The following LYRM7 variants were observed in gnomAD, a reference collection of about 807,000 sequenced individuals.
The protein encoded by LYRM7 is LYR motif containing 7, also known as complex III assembly factor LYRM7.
A neutral mutation model predicts 15.8 loss-of-function variants in LYRM7; 9 were observed. That is an observed-to-expected ratio of 0.57 (90% CI 0.34 to 0.99). The LOEUF (loss-of-function observed/expected upper bound fraction) is 0.99, where lower values mean the gene tolerates loss of function less well. Ranked by LOEUF, LYRM7 falls within the 50% of genes least tolerant of loss-of-function variation. The pLI, the probability that LYRM7 is intolerant of heterozygous loss-of-function variation, is 0.02. For synonymous variants in LYRM7, 39 were observed against 39.4 expected, an observed-to-expected ratio of 0.99 and a Z score of 0.04; for missense variants, 115 against 119.1, an observed-to-expected ratio of 0.97 and a Z score of 0.16.
intron 1 of LYRM7, among the ~76,000 whole-genome samples, chr5:131,175,669 G>A (rs1017188135): frequency 3.3e-5 from 5 of 151,856 alleles, no homozygotes; most frequent in African/African-American, 1.2e-4. Flanking sequence ...CGAGTAGCTA[G>A]GACTACAAGC....
chr5:131,181,268 T>C (rs1433979149), intron 2 of LYRM7, among the ~76,000 whole-genome samples: 2 of 52,394 alleles, frequency 3.8e-5, no homozygotes, highest in African/African-American at 1.4e-4. Flanking sequence ...AAAGCAAGAC[T>C]CCATCTGAAA....
intron 4 of LYRM7, among the ~76,000 whole-genome samples, chr5:131,190,873 T>A (rs566401795): frequency 6.6e-6 from 1 of 152,308 alleles, no homozygotes; most frequent in South Asian, 2.1e-4. Flanking sequence ...ATCTTAATAA[T>A]GATCTTTAGA....
rs1756113703 is a variant in LYRM7, at chr5:131,203,587, GGAGGCT to G, written c.*3992_*3997del. 1 of 152,404 alleles carries G rather than the reference GGAGGCT, an allele frequency of 6.6e-6. No homozygotes were observed. The highest frequency in any genetic ancestry group is 2.4e-5 in the African/African-American group (1 of 41,456). 9.4% of individuals were successfully genotyped at this position (152,404 alleles called of 1,614,324 possible). Reference sequence around the variant, plus strand: ...GCATGCCTGTAATCCCAGCTACTCGGGAGGCTGAGGCGTGAGAATCGCTTGAACCCG... The same window carrying G: ...GCATGCCTGTAATCCCAGCTACTCGGGAGGCGTGAGAATCGCTTGAACCCG... On this transcript the variant is annotated 3_prime_UTR_variant, in exon 5 of 5. Coordinates refer to ENST00000379380, the MANE Select transcript of LYRM7 (RefSeq NM_181705.4).
chr5:131,181,384 ATATACATAT>A, intron 2 of LYRM7, among the ~76,000 whole-genome samples: 1 of 100,124 alleles, frequency 1.0e-5, no homozygotes, highest in Non-Finnish European at 1.8e-5. Flanking sequence ...TATATATAAT[ATATACATAT>A]ATATTATATA....
intron 4 of LYRM7, 73 bp from the exon 5 acceptor site, chr5:131,199,458 G>T: frequency 1.0e-6 from 1 of 1,003,574 alleles, no homozygotes; most frequent in Non-Finnish European, 1.5e-6. Context: ...AAATTTTAGG[G>T]GGAAATGAGT....
At chr5:131,181,317 A>ATATATATATT (rs1755693171) in intron 2 of LYRM7, among the ~76,000 whole-genome samples, 1 of 21,630 alleles carries the variant, frequency 4.6e-5, no homozygotes, top group African/African-American at 1.1e-4. Context: ...ATATATATAT[A>ATATATATATT]CACACACACA....
intron 4 of LYRM7, among the ~76,000 whole-genome samples, chr5:131,190,210 A>T (rs1755863835): frequency 6.6e-6 from 1 of 150,880 alleles, no homozygotes; most frequent in African/African-American, 2.4e-5. Flanking sequence ...TGTTTTGTTT[A>T]GTTTAGATGG....
At chr5:131,183,676 C>G (rs10073584) in intron 3 of LYRM7, among the ~76,000 whole-genome samples, 46,434 of 151,970 alleles carry the variant, frequency 0.31, 11,439 homozygotes, top group African/African-American at 0.69. Context: ...AGGGTTGATA[C>G]AGTCTTGGCA....
chr5:131,199,563 A>G lies in LYRM7; in HGVS notation c.277A>G (p.Asn93Asp). The G allele has an allele frequency of 6.2e-7, 1 of 1,606,520 alleles. No individual in the cohort carries two copies. The highest frequency in any genetic ancestry group is 8.5e-7 in the Non-Finnish European group (1 of 1,176,554). ...LVPRKDLLVE[N>D]VPYCDAPTQK... ...CCCTAGGAAAGACCTTCTTGTAGAA[A>G]ATGTGCCATATTGTGATGCACCAAC... The change falls in exon 5 of 5, where the codon AAT becomes GAT. Residue 93 changes from asparagine to aspartate, a missense_variant. Asn to Asp is a conservative substitution (Grantham distance 23). Coordinates refer to ENST00000379380, the MANE Select transcript of LYRM7 (RefSeq NM_181705.4).
At chr5:131,188,409 T>TAAAA (rs760021801) in intron 4 of LYRM7, among the ~76,000 whole-genome samples, 1 of 129,452 alleles carries the variant, frequency 7.7e-6, no homozygotes, top group Non-Finnish European at 1.7e-5. Context: ...AAGCCACATG[T>TAAAA]AAAAAAAAAA....
chr5:131,186,637 G>T (rs534671551), intron 3 of LYRM7, among the ~76,000 whole-genome samples: 1 of 152,126 alleles, frequency 6.6e-6, no homozygotes, highest in Non-Finnish European at 1.5e-5. Context: ...AGTAAAATAA[G>T]AGTTACTTGA....
At chr5:131,171,117 C>G (rs1755512471) in intron 1 of LYRM7, 79 bp downstream of exon 1, 1 of 1,377,772 alleles carries the variant, frequency 7.3e-7, no homozygotes, top group South Asian at 1.6e-5. Flanking sequence ...TGTCTGGAGT[C>G]TCTGGAGGCT....
chr5:131,181,389 CATATATATTATATATACAT>C (rs1561544419), intron 2 of LYRM7, among the ~76,000 whole-genome samples: 2 of 71,506 alleles, frequency 2.8e-5, no homozygotes, highest in African/African-American at 2.1e-4. Flanking sequence ...ATAATATATA[CATATATATTATATATACAT>C]ATATATGTTT....
chr5:131,180,312 A>G, intron 2 of LYRM7, 145 bp downstream of exon 2: 2 of 467,372 alleles, frequency 4.3e-6, no homozygotes, highest in South Asian at 8.3e-5. Flanking sequence ...ATTAGCTTAT[A>G]TTACACTTAT....
At chr5:131,197,726 G>A (rs755205433) in intron 4 of LYRM7, among the ~76,000 whole-genome samples, 4 of 151,224 alleles carry the variant, frequency 2.6e-5, no homozygotes, top group Non-Finnish European at 4.4e-5. Flanking sequence ...ACAATTTTTT[G>A]TAGAGACAGA....
At chr5:131,175,320 C>T (rs1580691673) in intron 1 of LYRM7, among the ~76,000 whole-genome samples, 1 of 151,846 alleles carries the variant, frequency 6.6e-6, no homozygotes, top group Non-Finnish European at 1.5e-5. Flanking sequence ...CTGCCTCAGC[C>T]TCCCGAGTAG....
intron 1 of LYRM7, among the ~76,000 whole-genome samples, chr5:131,177,923 C>T (rs1755627141): frequency 6.6e-6 from 1 of 151,984 alleles, no homozygotes; most frequent in South Asian, 2.1e-4. Context: ...AACTTTTATT[C>T]TACATTCTGG....
Position 131,199,773 on chromosome 5 carries a change from G to A in LYRM7, c.*172G>A. 1 of 418,250 alleles carries A rather than the reference G, an allele frequency of 2.4e-6. No individual in the cohort carries two copies. The highest frequency in any genetic ancestry group is 4.3e-5 in the Admixed American group (1 of 23,144). The allele number at this position is 418,250 out of a possible 1,614,324, so 25.9% of individuals were successfully genotyped here. A position where few individuals can be genotyped will look rare whatever the true frequency, so the allele number is the denominator to read the frequency against. On this transcript the variant is annotated 3_prime_UTR_variant, in exon 5 of 5. Transcript: ENST00000379380. ...TAAAAGGTCATTACTGAGAACTAAA[G>A]AACATAATTAAGTATTTCTAAAGGA...
At chr5:131,186,023 T>A (rs1755790157) in intron 3 of LYRM7, among the ~76,000 whole-genome samples, 1 of 152,190 alleles carries the variant, frequency 6.6e-6, no homozygotes, top group South Asian at 2.1e-4. Context: ...AGTGGTTCTG[T>A]AAAGGTAAAA....
Sources: gnomAD v4.1 joint callset for allele counts (sites outside exome capture counted in the v4.1 genomes callset) on GRCh38, gnomAD v4.1.1 for gene constraint, MANE v1.5 for transcripts, NCBI Gene and HGNC (gene_info 2026-07-23, HGNC 2026-07-21) for gene names.